Variants in BACH2 observed in about 807,000 individuals in gnomAD.
BACH2 encodes the protein transcription regulator protein BACH2.
In BACH2, 5 loss-of-function variants were observed where a neutral mutation model predicts 61.8. The observed-to-expected ratio is 0.08, with a 90% CI of 0.04 to 0.17. The LOEUF is 0.17. Among genes scored for constraint, BACH2 ranks in the 10% least tolerant of loss-of-function variants. The probability of loss-of-function intolerance (pLI) is 1.00; values close to 1 mark genes in which losing one functional copy is unlikely to be tolerated. For synonymous variants in BACH2, 446 were observed against 440.1 expected (o/e 1.01, Z -0.17); for missense variants, 824 against 1,091.1 (o/e 0.76, Z 3.45).
chr6:89,985,825 A>C (rs1317422680), intron 6 of BACH2, among the ~76,000 whole-genome samples: 2 of 152,208 alleles, frequency 1.3e-5, no homozygotes, highest in East Asian at 1.9e-4. Flanking sequence ...GTTGTGGACG[A>C]GCAGGCAGAC....
At chr6:90,072,544 T>C (rs1781283218) in intron 5 of BACH2, among the ~76,000 whole-genome samples, 1 of 152,218 alleles carries the variant, frequency 6.6e-6, no homozygotes, top group Non-Finnish European at 1.5e-5. Context: ...AGCCTCACCT[T>C]TGCAGGTCAA....
chr6:90,212,126 T>TTA (rs1176891622), intron 3 of BACH2, among the ~76,000 whole-genome samples: 2 of 152,224 alleles, frequency 1.3e-5, no homozygotes, highest in Non-Finnish European at 2.9e-5. Context: ...TACTCTATTT[T>TTA]AAGGGGTGGA....
intron 4 of BACH2, among the ~76,000 whole-genome samples, chr6:90,142,038 A>G (rs1784478186): frequency 6.6e-6 from 1 of 152,230 alleles, no homozygotes; most frequent in East Asian, 1.9e-4. Context: ...CTGAGATTGC[A>G]CCACTGCACT....
At chr6:89,972,005 G>A (rs1165295691) in intron 6 of BACH2, among the ~76,000 whole-genome samples, 1 of 152,186 alleles carries the variant, frequency 6.6e-6, no homozygotes, top group Non-Finnish European at 1.5e-5. Context: ...GCAGCCTGAG[G>A]GAGGATTAGT....
At chr6:90,094,492 T>C (rs1377965138) in intron 4 of BACH2, among the ~76,000 whole-genome samples, 3 of 152,208 alleles carry the variant, frequency 2.0e-5, no homozygotes, top group Non-Finnish European at 4.4e-5. Flanking sequence ...TGTTGTCAAT[T>C]CTCTCCTATC....
intron 3 of BACH2, among the ~76,000 whole-genome samples, chr6:90,224,680 C>T (rs886585429): frequency 6.6e-5 from 10 of 152,018 alleles, no homozygotes; most frequent in East Asian, 5.8e-4. Flanking sequence ...AAATGAAATG[C>T]AAATTAGATG....
At chr6:90,237,256 G>A (rs1770290682) in intron 3 of BACH2, among the ~76,000 whole-genome samples, 1 of 152,164 alleles carries the variant, frequency 6.6e-6, no homozygotes, top group Admixed American at 6.5e-5. Flanking sequence ...GGGAGAGCTT[G>A]AAAGTACAGA....
intron 4 of BACH2, among the ~76,000 whole-genome samples, chr6:90,097,720 G>A (rs1782437901): frequency 6.6e-6 from 1 of 152,206 alleles, no homozygotes; most frequent in Admixed American, 6.5e-5. Flanking sequence ...ATACGGTTCA[G>A]TGGCACCAAG....
intron 5 of BACH2, among the ~76,000 whole-genome samples, chr6:90,014,799 GAC>G (rs758784186): frequency 6.6e-6 from 1 of 151,590 alleles, no homozygotes; most frequent in Non-Finnish European, 1.5e-5. Flanking sequence ...TTTTTAAAGA[GAC>G]AGTGTCTCAC....
chr6:90,092,291 AATATAT>A (rs1167228249), intron 4 of BACH2, among the ~76,000 whole-genome samples: 27 of 113,822 alleles, frequency 2.4e-4, no homozygotes, highest in African/African-American at 9.3e-4. Flanking sequence ...AAAAAAAAAA[AATATAT>A]ATATATATAT....
chr6:90,172,360 G>C lies in BACH2; in HGVS notation c.-162+34209C>G, dbSNP rs6919660. ...TAACATACAGAAGGAAAATATAAAA[G>C]AAATATTTAGAGATGTAAAGGGCAG... On this transcript the variant is annotated intron_variant, in intron 4 of 8. Transcript: ENST00000257749. 7.3e-3 allele frequency among the ~76,000 whole-genome samples: 1,048 copies of C among 143,562 alleles called. 16 individuals are homozygous for C. The highest frequency in any genetic ancestry group is 0.025 in the African/African-American group (984 of 39,064). The allele number at this position is 143,562 out of a possible 152,430, so 94.2% of individuals were successfully genotyped here. A position where few individuals can be genotyped will look rare whatever the true frequency, so the allele number is the denominator to read the frequency against.
At chr6:90,230,977 A>C (rs1313859609) in intron 3 of BACH2, among the ~76,000 whole-genome samples, 1 of 152,076 alleles carries the variant, frequency 6.6e-6, no homozygotes, top group Non-Finnish European at 1.5e-5. Context: ...GTCAAGGCCA[A>C]TGTGGGGGAT....
intron 6 of BACH2, among the ~76,000 whole-genome samples, chr6:90,004,599 T>A: frequency 6.6e-6 from 1 of 152,174 alleles, no homozygotes; most frequent in East Asian, 1.9e-4. Context: ...GGGCTGAGCA[T>A]CTTCTAAGGA....
chr6:90,225,952 C>A lies in BACH2; in HGVS notation c.-274-19271G>T, dbSNP rs559757540. 9.2e-5 allele frequency among the ~76,000 whole-genome samples: 14 copies of A among 152,226 alleles called. No individual in the cohort carries two copies. The South Asian group carries it at 2.9e-3, about 32-fold the overall frequency. On this transcript the variant is annotated intron_variant, in intron 3 of 8. Coordinates refer to ENST00000257749, the MANE Select transcript of BACH2 (RefSeq NM_021813.4). ...TTCTCCAAGCGGGGTCCTAAGGCCA[C>A]CAGCATTACCCTGAAACTTGTCACT...
intron 3 of BACH2, among the ~76,000 whole-genome samples, chr6:90,218,919 C>CTGTG (rs1562511059): frequency 2.7e-5 from 3 of 109,608 alleles, no homozygotes; most frequent in African/African-American, 1.3e-4. Flanking sequence ...GGTTTCCTTT[C>CTGTG]CGTGTGTGTG....
At chr6:90,244,527 G>C (rs1162182991) in intron 3 of BACH2, among the ~76,000 whole-genome samples, 1 of 152,128 alleles carries the variant, frequency 6.6e-6, no homozygotes, top group African/African-American at 2.4e-5. Context: ...CTGCCTACTT[G>C]GATGGATTAG....
chr6:90,296,303 A>T (rs1772383628), intron 1 of BACH2, among the ~76,000 whole-genome samples, 177 bp downstream of exon 1: 1 of 151,416 alleles, frequency 6.6e-6, no homozygotes, highest in South Asian at 2.1e-4. Flanking sequence ...GTTCCTAGAA[A>T]ATGCCATAAA....
intron 5 of BACH2, among the ~76,000 whole-genome samples, chr6:90,021,469 C>T (rs1422919209): frequency 6.6e-6 from 1 of 152,078 alleles, no homozygotes; most frequent in East Asian, 1.9e-4. Flanking sequence ...AATTATAAAC[C>T]ATTTCACTTG....
chr6:90,265,583 C>T (rs938829304), intron 2 of BACH2, among the ~76,000 whole-genome samples: 1 of 152,214 alleles, frequency 6.6e-6, no homozygotes, highest in Non-Finnish European at 1.5e-5. Context: ...CACCACGCTG[C>T]AGAACAACTC....
Sources: allele counts gnomAD v4.1 joint callset (sites outside exome capture counted in the v4.1 genomes callset), GRCh38; gene constraint gnomAD v4.1.1; transcripts MANE v1.5; gene names NCBI Gene and HGNC (gene_info 2026-07-23, HGNC 2026-07-21).